CCSER2: variants seen among roughly 807,000 people sequenced by gnomAD.
The protein encoded by CCSER2 is serine-rich coiled-coil domain-containing protein 2.
A neutral mutation model predicts 92.3 loss-of-function variants in CCSER2; 46 were observed. That is an observed-to-expected ratio of 0.50 (90% CI 0.39 to 0.64). The LOEUF (loss-of-function observed/expected upper bound fraction) is 0.64, where lower values mean the gene tolerates loss of function less well. Among genes scored for constraint, CCSER2 ranks in the 30% least tolerant of loss-of-function variants. The pLI is 0.00. For missense variants in CCSER2, 1,244 were observed against 1,238.9 expected (o/e 1.00, Z -0.06); for synonymous variants, 433 against 431.4 (o/e 1.00, Z -0.04).
intron 5 of CCSER2, among the ~76,000 whole-genome samples, chr10:84,428,975 G>GT (rs1843599251): frequency 1.1e-5 from 1 of 89,834 alleles, no homozygotes; most frequent in South Asian, 3.8e-4. Context: ...TTTTTTTTGT[G>GT]TGTGTATGTG....
At chr10:84,344,627 A>T (rs1224141447) in intron 1 of CCSER2, among the ~76,000 whole-genome samples, 1 of 152,204 alleles carries the variant, frequency 6.6e-6, no homozygotes, top group African/African-American at 2.4e-5. Flanking sequence ...GGTGGGAAAG[A>T]AAGGAAGAAT....
chr10:84,335,373 G>C (rs376982343), intron 1 of CCSER2, among the ~76,000 whole-genome samples: 20 of 150,974 alleles, frequency 1.3e-4, no homozygotes, highest in African/African-American at 4.4e-4. Context: ...TCAACCTGTA[G>C]CTGGGACTAC....
At chr10:84,366,446 T>C (rs746439341) in intron 1 of CCSER2, among the ~76,000 whole-genome samples, 3 of 152,220 alleles carry the variant, frequency 2.0e-5, no homozygotes, top group Admixed American at 6.5e-5. Flanking sequence ...TTAGTTTATG[T>C]TCTCAGCAGG....
rs570126660 is a variant in CCSER2, at chr10:84,391,335, G to A, written c.1614+17520G>A. 44 of 1,426,374 alleles carry A rather than the reference G, an allele frequency of 3.1e-5. No individual in the cohort carries two copies. The Admixed American group carries it at 5.2e-4, about 17-fold the overall frequency. The allele number at this position is 1,426,374 out of a possible 1,614,324, so 88.4% of individuals were successfully genotyped here. On this transcript the variant is annotated intron_variant, in intron 3 of 9. Coordinates refer to ENST00000372088, the MANE Select transcript of CCSER2 (RefSeq NM_001284240.2). Reference sequence around the variant, plus strand: ...GATTTACTGAGTGGCCTGGCTGAAGGACTTGGAGGCAACATTGAACAGCTG... The same window carrying A: ...GATTTACTGAGTGGCCTGGCTGAAGAACTTGGAGGCAACATTGAACAGCTG...
chr10:84,344,450 C>T (rs887371157), intron 1 of CCSER2, among the ~76,000 whole-genome samples: 1 of 151,044 alleles, frequency 6.6e-6, no homozygotes, highest in African/African-American at 2.4e-5. Context: ...TCTTTATTTA[C>T]CTCTGATGAA....
chr10:84,421,639 G>A (rs1843155527), intron 4 of CCSER2, among the ~76,000 whole-genome samples: 2 of 152,120 alleles, frequency 1.3e-5, no homozygotes, highest in African/African-American at 2.4e-5. Context: ...GGGACACAGA[G>A]CCAAACCATG....
Position 84,514,259 on chromosome 10 carries a change from A to T in CCSER2, c.3136A>T (p.Ile1046Leu). ...NRYSRLPKPK[I>L]H ...ATATTCTCGTCTTCCTAAACCAAAG[A>T]TACATTAAGTACATAGCCATCACCT... The change falls in exon 10 of 10, where the codon ATA becomes TTA. Residue 1046 changes from isoleucine to leucine, a missense_variant. Physicochemically the swap from Ile to Leu is conservative, Grantham distance 5. Transcript: ENST00000372088. 6.5e-7 allele frequency: 1 copy of T among 1,534,436 alleles called. No homozygotes were observed. Among genetic ancestry groups the T allele is most frequent in the Non-Finnish European group, 8.7e-7 (1 of 1,145,426 alleles).
intron 6 of CCSER2, among the ~76,000 whole-genome samples, chr10:84,451,281 T>G (rs183179231): frequency 2.4e-3 from 361 of 151,388 alleles, no homozygotes; most frequent in Non-Finnish European, 3.3e-3. Context: ...TTTGTTTTTT[T>G]TTTTAAAGAA....
chr10:84,389,438 GGTACCAC>G (rs1841402334), intron 3 of CCSER2: 1 of 448,460 alleles, frequency 2.2e-6, no homozygotes, highest in African/African-American at 2.0e-5. Context: ...AGAGGGAGAA[GGTACCAC>G]GTCAATCTGG....
intron 2 of CCSER2, 27 bp from the exon 3 acceptor site, chr10:84,373,592 G>A (rs1345996391): frequency 2.6e-6 from 4 of 1,526,786 alleles, no homozygotes; most frequent in Admixed American, 3.6e-5. Flanking sequence ...ATATTTTTGT[G>A]AATCAGTAAC....
chr10:84,331,940 C>G (rs1219407295), intron 1 of CCSER2, among the ~76,000 whole-genome samples: 1 of 152,124 alleles, frequency 6.6e-6, no homozygotes, highest in Non-Finnish European at 1.5e-5. Flanking sequence ...AGATTGTTTA[C>G]TATTTTGCAG....
chr10:84,334,308 C>A lies in CCSER2; in HGVS notation c.-40+5500C>A, dbSNP rs74147537. On this transcript the variant is annotated intron_variant, in intron 1 of 9. Coordinates refer to ENST00000372088, the MANE Select transcript of CCSER2 (RefSeq NM_001284240.2). ...TTTCTGCCTCTTTGGCTTCTGACTT[C>A]TGCTTGCTACAGGTGCTGATGCTGG... is the stretch of plus-strand genomic sequence containing the variant. Among the ~76,000 whole-genome samples, 753 of 152,148 alleles carry A rather than the reference C, an allele frequency of 4.9e-3. 8 individuals carry two copies. The highest frequency in any genetic ancestry group is 0.017 in the African/African-American group (693 of 41,516).
intron 3 of CCSER2, among the ~76,000 whole-genome samples, chr10:84,399,397 G>A (rs1053558937): frequency 6.6e-6 from 1 of 152,144 alleles, no homozygotes; most frequent in East Asian, 1.9e-4. Context: ...ATTCCATGGT[G>A]TATGTGTATT....
At chr10:84,387,807 T>C (rs1214032154) in intron 3 of CCSER2, among the ~76,000 whole-genome samples, 2 of 150,516 alleles carry the variant, frequency 1.3e-5, no homozygotes, top group Non-Finnish European at 3.0e-5. Context: ...GGATTACAGG[T>C]GTGAGCCACC....
At chr10:84,499,680 T>C (rs991098080) in intron 9 of CCSER2, among the ~76,000 whole-genome samples, 1 of 152,202 alleles carries the variant, frequency 6.6e-6, no homozygotes, top group Non-Finnish European at 1.5e-5. Flanking sequence ...TAAAAAAATA[T>C]TAAAAATAAC....
chr10:84,459,430 G>A (rs770251676), intron 6 of CCSER2, among the ~76,000 whole-genome samples: 2 of 152,040 alleles, frequency 1.3e-5, no homozygotes, highest in African/African-American at 4.8e-5. Context: ...ATATTGAATA[G>A]GAGTGCCTTG....
chr10:84,504,452 C>T (rs1471180633), intron 9 of CCSER2, among the ~76,000 whole-genome samples: 1 of 152,120 alleles, frequency 6.6e-6, no homozygotes, highest in Non-Finnish European at 1.5e-5. Flanking sequence ...TTAACCAAAA[C>T]GTTGATCTTA....
At chr10:84,425,517 A>G (rs1843381720) in intron 4 of CCSER2, among the ~76,000 whole-genome samples, 1 of 152,248 alleles carries the variant, frequency 6.6e-6, no homozygotes, top group Non-Finnish European at 1.5e-5. Flanking sequence ...TAAAAGTATT[A>G]TAATTTACTT....
At chr10:84,397,628 G>A (rs10509496) in intron 3 of CCSER2, among the ~76,000 whole-genome samples, 31,978 of 152,160 alleles carry the variant, frequency 0.21, 3,615 homozygotes, top group Admixed American at 0.34. Context: ...CAGTATAGCT[G>A]AAATTACTCA....
Sources: gnomAD v4.1 joint callset for allele counts (sites outside exome capture counted in the v4.1 genomes callset) on GRCh38, gnomAD v4.1.1 for gene constraint, MANE v1.5 for transcripts, NCBI Gene and HGNC (gene_info 2026-07-23, HGNC 2026-07-21) for gene names.